The following PTGER3 variants were observed in gnomAD, a reference collection of about 807,000 sequenced individuals.
PTGER3 encodes prostaglandin E receptor 3, also known as prostaglandin E2 receptor EP3 subtype.
In PTGER3, 22 loss-of-function variants were observed where a neutral mutation model predicts 34.7. The ratio of observed to expected loss-of-function variants is 0.63; its 90% CI spans 0.45 to 0.91. The LOEUF is 0.91. PTGER3 is among the 40% of genes least tolerant of loss of function. PTGER3 has a pLI of 0.00. For missense variants in PTGER3, 468 were observed against 519.4 expected (o/e 0.90, Z 0.96); for synonymous variants, 241 against 230.1 (o/e 1.05, Z -0.43).
chr1:71,017,207 G>A (rs1657987439), intron 1 of PTGER3, among the ~76,000 whole-genome samples: 1 of 152,048 alleles, frequency 6.6e-6, no homozygotes, highest in Non-Finnish European at 1.5e-5. Flanking sequence ...AAAAATCAGA[G>A]AACTTTTCCC....
At chr1:70,995,307 G>T (rs1655833966) in intron 2 of PTGER3, among the ~76,000 whole-genome samples, 1 of 152,176 alleles carries the variant, frequency 6.6e-6, no homozygotes, top group Non-Finnish European at 1.5e-5. Context: ...AATTGGAATG[G>T]TAGATTGGGA....
chr1:70,956,840 C>T (rs1651391392), intron 2 of PTGER3, among the ~76,000 whole-genome samples: 1 of 152,064 alleles, frequency 6.6e-6, no homozygotes, highest in Non-Finnish European at 1.5e-5. Context: ...CCCATCTCGA[C>T]AAAAATTAGC....
At chr1:71,002,566 T>C (rs1249813856) in intron 2 of PTGER3, among the ~76,000 whole-genome samples, 2 of 152,196 alleles carry the variant, frequency 1.3e-5, no homozygotes, top group Non-Finnish European at 2.9e-5. Context: ...TTTGGATTAT[T>C]AATAGTCTGA....
intron 2 of PTGER3, among the ~76,000 whole-genome samples, chr1:70,996,820 C>T (rs1656019369): frequency 6.6e-6 from 1 of 151,958 alleles, no homozygotes; most frequent in Non-Finnish European, 1.5e-5. Flanking sequence ...CCCGCCACCG[C>T]GCCCAGCCTT....
At chr1:71,025,856 T>C (rs1368305525) in intron 1 of PTGER3, among the ~76,000 whole-genome samples, 1 of 152,172 alleles carries the variant, frequency 6.6e-6, no homozygotes, top group African/African-American at 2.4e-5. Flanking sequence ...TTTGGAAAGG[T>C]TGAGGCATTG....
intron 1 of PTGER3, among the ~76,000 whole-genome samples, chr1:71,024,340 C>G (rs1658691062): frequency 6.6e-6 from 1 of 152,140 alleles, no homozygotes; most frequent in Non-Finnish European, 1.5e-5. Flanking sequence ...TTGACAAAAG[C>G]AAGCCTTAAT....
chr1:70,970,816 A>G lies in PTGER3; in HGVS notation c.*914T>C. ...AGTCCACAAAGTTTTTTATTTTAAT[A>G]CAGACAAAATAGATTCTTTTATTTT... On this transcript the variant is annotated 3_prime_UTR_variant, in exon 4 of 4. Transcript: ENST00000306666. 1 of 880,860 alleles carries G rather than the reference A, an allele frequency of 1.1e-6. No individual in the cohort carries two copies. Among genetic ancestry groups the G allele is most frequent in the Non-Finnish European group, 1.4e-6 (1 of 734,766 alleles). 54.6% of individuals were successfully genotyped at this position (880,860 alleles called of 1,614,324 possible).
Position 70,852,993 on chromosome 1 carries a change from A to G in PTGER3, c.*24-134T>C. ...AATGGTAAATCACTTACAGCAGTAT[A>G]ACAAGAACAAGAACAAGAACGAAGT... On this transcript the variant is annotated intron_variant, in intron 4 of 4. Coordinates refer to the PTGER3 transcript ENST00000370931. The G allele has an allele frequency of 1.1e-5, 10 of 935,322 alleles. No homozygotes were observed. In the South Asian group the frequency reaches 1.5e-4, roughly 14 times the overall value. The allele number at this position is 935,322 out of a possible 1,614,324, so 57.9% of individuals were successfully genotyped here. A position where few individuals can be genotyped will look rare whatever the true frequency, so the allele number is the denominator to read the frequency against.
intron 4 of PTGER3, among the ~76,000 whole-genome samples, chr1:70,898,482 A>G (rs181382159): frequency 3.3e-5 from 5 of 152,214 alleles, no homozygotes; most frequent in Admixed American, 3.3e-4. Context: ...GCCTTCCTTG[A>G]CCACCAGTCT....
At chr1:70,939,974 C>T (rs184413725) in intron 4 of PTGER3, among the ~76,000 whole-genome samples, 1 of 152,302 alleles carries the variant, frequency 6.6e-6, no homozygotes, top group African/African-American at 2.4e-5. Flanking sequence ...TCTTTTCTAT[C>T]ACATAGTCAG....
intron 2 of PTGER3, chr1:71,010,272 C>T (rs1210153027): frequency 1.4e-5 from 14 of 984,236 alleles, no homozygotes; most frequent in Non-Finnish European, 1.7e-5. Context: ...TGACACTACA[C>T]CCTTGAAGAT....
intron 4 of PTGER3, among the ~76,000 whole-genome samples, chr1:70,882,066 G>A (rs938909391): frequency 6.6e-6 from 1 of 152,220 alleles, no homozygotes; most frequent in African/African-American, 2.4e-5. Flanking sequence ...TACCCACTTG[G>A]CTTCCAGTGG....
rs973609415 is a variant in PTGER3, at chr1:71,008,486, T to A, written c.1077+3819A>T. 5 of 917,478 alleles carry A rather than the reference T, an allele frequency of 5.4e-6. No homozygotes were observed. In the East Asian group the frequency reaches 5.9e-4, roughly 108 times the overall value. 56.8% of individuals were successfully genotyped at this position (917,478 alleles called of 1,614,324 possible). A position where few individuals can be genotyped will look rare whatever the true frequency, so the allele number is the denominator to read the frequency against. On this transcript the variant is annotated intron_variant, in intron 2 of 3. Coordinates refer to ENST00000306666, the MANE Select transcript of PTGER3 (RefSeq NM_198719.2). Reference sequence around the variant, plus strand: ...TAAAATATTTTCCCTAATTCTTTTATCATCATCACCACCTAGTTAGTTTCC... The same window carrying A: ...TAAAATATTTTCCCTAATTCTTTTAACATCATCACCACCTAGTTAGTTTCC...
rs1643821801 is a variant in PTGER3, at chr1:71,047,812, G to C, written c.-235C>G. ...TCCTCTCTGGGAAACCTCTGGTGGC[G>C]AGGCGCGCGGAGGTGCCGAGTCCCC... On this transcript the variant is annotated 5_prime_UTR_variant, in exon 1 of 4. Transcript: ENST00000306666. 2.7e-6 allele frequency: 1 copy of C among 366,544 alleles called. No homozygotes were observed. Among genetic ancestry groups the C allele is most frequent in the Non-Finnish European group, 4.7e-6 (1 of 214,102 alleles). The allele number at this position is 366,544 out of a possible 1,614,324, so 22.7% of individuals were successfully genotyped here.
chr1:70,868,586 A>G (rs17131468), intron 4 of PTGER3, among the ~76,000 whole-genome samples: 6,030 of 152,262 alleles, frequency 0.04, 258 homozygotes, highest in East Asian at 0.13. Flanking sequence ...GCTCTGGATA[A>G]TAAAGCCTTA....
At chr1:70,984,907 C>G (rs1436189575) in intron 2 of PTGER3, among the ~76,000 whole-genome samples, 2 of 152,128 alleles carry the variant, frequency 1.3e-5, no homozygotes, top group East Asian at 3.9e-4. Flanking sequence ...AAAATGTACT[C>G]TAAATCTTCA....
At chr1:70,979,451 TACAG>T (rs1654039331) in intron 2 of PTGER3, among the ~76,000 whole-genome samples, 1 of 151,580 alleles carries the variant, frequency 6.6e-6, no homozygotes, top group Non-Finnish European at 1.5e-5. Flanking sequence ...GTACAGAGAA[TACAG>T]ACAGATTTGT....
At chr1:70,994,240 G>A (rs1042853610) in intron 2 of PTGER3, among the ~76,000 whole-genome samples, 2 of 152,108 alleles carry the variant, frequency 1.3e-5, no homozygotes, top group Non-Finnish European at 2.9e-5. Flanking sequence ...CGTAAGAAGT[G>A]TTGCACCCAC....
At chr1:70,874,147 A>C (rs12068769) in intron 4 of PTGER3, among the ~76,000 whole-genome samples, 1 of 152,200 alleles carries the variant, frequency 6.6e-6, no homozygotes, top group Non-Finnish European at 1.5e-5. Context: ...TTTTTCTTCA[A>C]TGGAATTTGG....
Sources: gnomAD v4.1 joint callset for allele counts (sites outside exome capture counted in the v4.1 genomes callset) on GRCh38, gnomAD v4.1.1 for gene constraint, MANE v1.5 for transcripts, NCBI Gene and HGNC (gene_info 2026-07-23, HGNC 2026-07-21) for gene names.